The following ZNF475 variants were observed in gnomAD, a reference collection of about 807,000 sequenced individuals.
The protein encoded by ZNF475 is zinc finger protein 475.
chr5:122,174,572 T>C, the ZNF475 span, among the ~76,000 whole-genome samples: 350 of 152,316 alleles, frequency 2.3e-3, 1 homozygote, highest in Non-Finnish European at 3.7e-3. Context: ...GAAAATGTAA[T>C]ATAGAACATC....
chr5:122,164,579 C>T, the ZNF475 span, among the ~76,000 whole-genome samples: 1 of 152,118 alleles, frequency 6.6e-6, no homozygotes, highest in Non-Finnish European at 1.5e-5. Flanking sequence ...CATACCTGAG[C>T]ATAGGGTAAC....
At chr5:122,161,510 G>C in the ZNF475 span, among the ~76,000 whole-genome samples, 1 of 152,190 alleles carries the variant, frequency 6.6e-6, no homozygotes, top group Non-Finnish European at 1.5e-5. Context: ...GCCTATCCAA[G>C]GTGGTGGTCT....
the ZNF475 span, among the ~76,000 whole-genome samples, chr5:122,170,089 A>G: frequency 1.3e-5 from 2 of 152,254 alleles, no homozygotes. Flanking sequence ...AACAATTAGC[A>G]AAATAAAATA....
the ZNF475 span, among the ~76,000 whole-genome samples, chr5:122,176,504 A>G: frequency 1.3e-5 from 2 of 152,194 alleles, no homozygotes; most frequent in African/African-American, 4.8e-5. Flanking sequence ...TCTTTTGTAC[A>G]GCTCTATCCT....
At chr5:122,161,594 C>T in the ZNF475 span, among the ~76,000 whole-genome samples, 4 of 152,172 alleles carry the variant, frequency 2.6e-5, no homozygotes, top group African/African-American at 7.2e-5. Flanking sequence ...AAGCTGTAGA[C>T]AAATCAGGCA....
At chr5:122,181,884 G>A in the ZNF475 span, among the ~76,000 whole-genome samples, 1 of 152,096 alleles carries the variant, frequency 6.6e-6, no homozygotes, top group African/African-American at 2.4e-5. Context: ...TCTTAAGGAC[G>A]TATCTTTTTG....
chr5:122,171,236 G>A, the ZNF475 span, among the ~76,000 whole-genome samples: 1 of 151,976 alleles, frequency 6.6e-6, no homozygotes, highest in Non-Finnish European at 1.5e-5. Flanking sequence ...ACCCAATCCA[G>A]ATTAGCTTTT....
At chr5:122,166,818 T>G in the ZNF475 span, among the ~76,000 whole-genome samples, 2 of 152,226 alleles carry the variant, frequency 1.3e-5, no homozygotes, top group African/African-American at 2.4e-5. Context: ...TGTGTCTTTA[T>G]AGCAGCATGA....
At chr5:122,170,055 T>C in the ZNF475 span, among the ~76,000 whole-genome samples, 3 of 152,340 alleles carry the variant, frequency 2.0e-5, no homozygotes, top group South Asian at 2.1e-4. Context: ...ATACAAGTAT[T>C]TAACTGATAT....
At chr5:122,171,005 C>T in the ZNF475 span, among the ~76,000 whole-genome samples, 1 of 152,170 alleles carries the variant, frequency 6.6e-6, no homozygotes, top group Non-Finnish European at 1.5e-5. Context: ...GAAGTAGGTG[C>T]AGAGACCAAA....
chr5:122,179,651 A>C, the ZNF475 span: 1 of 1,535,130 alleles, frequency 6.5e-7, no homozygotes, highest in Non-Finnish European at 8.7e-7. Flanking sequence ...GTCTGAAAAA[A>C]TGGCATAATG....
the ZNF475 span, among the ~76,000 whole-genome samples, chr5:122,167,820 C>T: frequency 6.6e-6 from 1 of 152,190 alleles, no homozygotes; most frequent in Non-Finnish European, 1.5e-5. Context: ...CCACTTCTAG[C>T]CTCCAGGCAA....
At chr5:122,176,146 C>A in the ZNF475 span, among the ~76,000 whole-genome samples, 1 of 152,040 alleles carries the variant, frequency 6.6e-6, no homozygotes. Flanking sequence ...GTCTGCATGC[C>A]CTGTTTCTTT....
chr5:122,168,553 A>G, the ZNF475 span, among the ~76,000 whole-genome samples: 1 of 152,196 alleles, frequency 6.6e-6, no homozygotes, highest in East Asian at 1.9e-4. Context: ...TCTACTAAAA[A>G]TACAAAAAAA....
At chr5:122,166,909 G>A in the ZNF475 span, among the ~76,000 whole-genome samples, 3 of 152,132 alleles carry the variant, frequency 2.0e-5, no homozygotes, top group South Asian at 2.1e-4. Context: ...TTGAGGAATC[G>A]CCACACTGTC....
chr5:122,167,166 T>C, the ZNF475 span, among the ~76,000 whole-genome samples: 16 of 152,240 alleles, frequency 1.1e-4, no homozygotes, highest in Non-Finnish European at 2.2e-4. Flanking sequence ...TGGTCGGTTA[T>C]GTTTCAAACA....
the ZNF475 span, chr5:122,179,938 T>C: frequency 2.5e-6 from 1 of 399,588 alleles, no homozygotes; most frequent in African/African-American, 2.0e-5. Context: ...CACTATGTCC[T>C]GGCAACACTG....
chr5:122,173,727 C>A, the ZNF475 span, among the ~76,000 whole-genome samples: 1 of 152,192 alleles, frequency 6.6e-6, no homozygotes, highest in South Asian at 2.1e-4. Context: ...GTTCAAGTGC[C>A]TGTCTGTATC....
chr5:122,177,706 A>G, the ZNF475 span, among the ~76,000 whole-genome samples: 4 of 152,150 alleles, frequency 2.6e-5, no homozygotes, highest in South Asian at 8.3e-4. Context: ...TAATTTTAAA[A>G]TATGATTTCC....
Sources: allele counts gnomAD v4.1 joint callset (sites outside exome capture counted in the v4.1 genomes callset), GRCh38; gene constraint gnomAD v4.1.1; transcripts MANE v1.5; gene names NCBI Gene and HGNC (gene_info 2026-07-23, HGNC 2026-07-21).